TRPS1: variants seen among roughly 807,000 people sequenced by gnomAD.
TRPS1 encodes transcriptional repressor GATA binding 1, also known as zinc finger transcription factor Trps1.
A neutral mutation model predicts 101.2 loss-of-function variants in TRPS1; 6 were observed. That is an observed-to-expected ratio of 0.06 (90% confidence interval 0.03 to 0.12). The LOEUF (loss-of-function observed/expected upper bound fraction) is 0.12. Among genes scored for constraint, TRPS1 ranks in the 10% least tolerant of loss-of-function variants. TRPS1 has a pLI of 1.00. For synonymous variants in TRPS1, 578 were observed against 589.8 expected (o/e 0.98, Z 0.29); for missense variants, 1,363 against 1,567.0 (o/e 0.87, Z 2.20).
intron 5 of TRPS1, among the ~76,000 whole-genome samples, chr8:115,535,055 GT>G: frequency 6.8e-6 from 1 of 146,730 alleles, no homozygotes; most frequent in South Asian, 2.2e-4. Flanking sequence ...TATAGCATAT[GT>G]ATAGCATATA....
chr8:115,415,079 G>A lies in TRPS1; in HGVS notation c.2829C>T (p.Pro943=), dbSNP rs1390710920. The A allele has an allele frequency of 6.3e-7, 1 of 1,596,362 alleles. No homozygotes were observed. The highest frequency in any genetic ancestry group is 1.1e-5 in the South Asian group (1 of 87,720). The change falls in exon 7 of 7, where the codon CCC becomes CCT. Residue 943 remains proline (P), a synonymous_variant. Coordinates refer to ENST00000395715, the MANE Select transcript of TRPS1 (RefSeq NM_014112.5). ...TTTGTTTAATGATGTTTAAAGGCCT[G>A]GGAGTCTGCAGAGAACACATACAAT... ...CGLYQKLHST[P]RPLNIIKQNN... is the part of the protein sequence containing the mutation.
intron 5 of TRPS1, among the ~76,000 whole-genome samples, chr8:115,478,044 G>C (rs1258634234): frequency 6.6e-6 from 1 of 151,936 alleles, no homozygotes; most frequent in Non-Finnish European, 1.5e-5. Flanking sequence ...CCAAGTGTTT[G>C]ATATTCCTTT....
chr8:115,606,146 A>G (rs1371038774), intron 3 of TRPS1, among the ~76,000 whole-genome samples: 1 of 152,126 alleles, frequency 6.6e-6, no homozygotes, highest in African/African-American at 2.4e-5. Context: ...TATCCAAATC[A>G]CTGCATGAGA....
chr8:115,418,468 A>G lies in TRPS1; in HGVS notation c.2701-16T>C, dbSNP rs998894030. The G allele has an allele frequency of 2.0e-5, 32 of 1,614,136 alleles. No homozygotes were observed. The highest frequency in any genetic ancestry group is 2.5e-5 in the Non-Finnish European group (30 of 1,179,982). On this transcript the variant is annotated splice_polypyrimidine_tract_variant and intron_variant, in intron 5 of 6. Transcript: ENST00000395715. This position sits in a 1 kb window ranked among gnomAD's most constrained non-coding sequence, Gnocchi z 4.3. ...CTCTACGCCTCTGAAACAGGGGAAA[A>G]AAACCAAGGTCAGAGGTGAGTCACA...
intron 4 of TRPS1, among the ~76,000 whole-genome samples, chr8:115,595,992 T>G (rs969039882): frequency 4.0e-5 from 6 of 151,856 alleles, no homozygotes; most frequent in African/African-American, 1.2e-4. Flanking sequence ...ATTTATTAGG[T>G]ATTATTTTTA....
In TRPS1 at chr8:115,490,386, A is replaced by G. The variant is rs186485442; in HGVS notation, c.2701-71934T>C. Among the ~76,000 whole-genome samples the G allele has an allele frequency of 6.2e-4, 94 of 152,296 alleles. 1 individual carries two copies. The East Asian group carries it at 0.013, about 22-fold the overall frequency. ...TATGTATTAAAGTTCTTTGAAAATT[A>G]TAATCCACACCTTAAAATCCATACA... On this transcript the variant is annotated intron_variant, in intron 5 of 6. Transcript: ENST00000395715.
intron 5 of TRPS1, among the ~76,000 whole-genome samples, chr8:115,496,619 T>A (rs913789470): frequency 2.6e-5 from 4 of 152,128 alleles, no homozygotes; most frequent in Non-Finnish European, 5.9e-5. Context: ...GAGAAAAAAA[T>A]TAGTAAATTA....
intron 5 of TRPS1, among the ~76,000 whole-genome samples, chr8:115,524,706 G>A (rs1254877555): frequency 6.6e-6 from 1 of 151,970 alleles, no homozygotes; most frequent in African/African-American, 2.4e-5. Flanking sequence ...TAAATCTGTG[G>A]TAAACAAACA....
intron 5 of TRPS1, among the ~76,000 whole-genome samples, chr8:115,550,821 T>C (rs1257708382): frequency 1.3e-5 from 2 of 152,248 alleles, no homozygotes; most frequent in Non-Finnish European, 2.9e-5. Flanking sequence ...CCAACCACTG[T>C]TCATGTAAAC....
At chr8:115,499,959 CTTTCTTTTCT>C (rs147174443) in intron 5 of TRPS1, among the ~76,000 whole-genome samples, 9,441 of 59,436 alleles carry the variant, frequency 0.16, 396 homozygotes, top group Admixed American at 0.26. Flanking sequence ...TTCTTTCTTT[CTTTCTTTTCT>C]TTTCTTTTCT....
intron 3 of TRPS1, among the ~76,000 whole-genome samples, chr8:115,608,339 C>G (rs1021240551): frequency 6.6e-6 from 1 of 152,166 alleles, no homozygotes; most frequent in Non-Finnish European, 1.5e-5. Flanking sequence ...ATTTATCCCT[C>G]TAATTAGTAG....
At chr8:115,460,949 G>A (rs1251432901) in intron 5 of TRPS1, among the ~76,000 whole-genome samples, 1 of 152,078 alleles carries the variant, frequency 6.6e-6, no homozygotes, top group Non-Finnish European at 1.5e-5. Flanking sequence ...ATATGGCCAA[G>A]TAACTATAGC....
At chr8:115,637,421 G>T in intron 1 of TRPS1, 1 of 543,418 alleles carries the variant, frequency 1.8e-6, no homozygotes, top group Non-Finnish European at 2.3e-6. Context: ...AAAGTGATGG[G>T]TTTCAAAACA....
chr8:115,581,471 C>A (rs190934879), intron 5 of TRPS1, among the ~76,000 whole-genome samples: 1 of 151,820 alleles, frequency 6.6e-6, no homozygotes, highest in African/African-American at 2.4e-5. Context: ...ATCCTTCCAC[C>A]ACACATTATA....
intron 5 of TRPS1, among the ~76,000 whole-genome samples, chr8:115,486,513 C>T (rs971013058): frequency 3.3e-5 from 5 of 152,108 alleles, no homozygotes; most frequent in African/African-American, 4.8e-5. Context: ...TGAGACAGGC[C>T]GAAAGCTAGG....
intron 3 of TRPS1, among the ~76,000 whole-genome samples, chr8:115,618,420 A>T (rs1818316830): frequency 6.6e-6 from 1 of 152,180 alleles, no homozygotes; most frequent in South Asian, 2.1e-4. Context: ...AGACAGAAAG[A>T]TAGAACAAAA....
intron 5 of TRPS1, among the ~76,000 whole-genome samples, chr8:115,567,895 G>C (rs1294948181): frequency 6.6e-6 from 1 of 152,126 alleles, no homozygotes; most frequent in Non-Finnish European, 1.5e-5. Flanking sequence ...TCAGGGATTA[G>C]AGTATTGAAT....
intron 5 of TRPS1, among the ~76,000 whole-genome samples, chr8:115,580,240 A>AT (rs1817411326): frequency 7.1e-6 from 1 of 141,074 alleles, no homozygotes; most frequent in Non-Finnish European, 1.5e-5. Context: ...AGAAGAAAAA[A>AT]AAAAAATATA....
At chr8:115,568,194 C>T (rs1563609895) in intron 5 of TRPS1, among the ~76,000 whole-genome samples, 1 of 151,966 alleles carries the variant, frequency 6.6e-6, no homozygotes, top group Non-Finnish European at 1.5e-5. Context: ...AAATGCCAGA[C>T]ACATTTTATA....
Sources: gnomAD v4.1 joint callset for allele counts (sites outside exome capture counted in the v4.1 genomes callset) on GRCh38, gnomAD v4.1.1 for gene constraint, Gnocchi (gnomAD v3.1) non-coding constraint, MANE v1.5 for transcripts, NCBI Gene and HGNC (gene_info 2026-07-23, HGNC 2026-07-21) for gene names.